The following ZBTB7C variants were observed in gnomAD, a reference collection of about 807,000 sequenced individuals.
ZBTB7C encodes the protein zinc finger and BTB domain-containing protein 7C.
A neutral mutation model predicts 25.7 loss-of-function variants in ZBTB7C; 8 were observed. The ratio of observed to expected loss-of-function variants is 0.31; its 90% confidence interval spans 0.18 to 0.56. The LOEUF is 0.56. Ranked by LOEUF, ZBTB7C falls within the 20% of genes least tolerant of loss-of-function variation. The probability of loss-of-function intolerance (pLI) is 0.91; values close to 1 mark genes in which losing one functional copy is unlikely to be tolerated. For missense variants in ZBTB7C, 824 were observed against 855.2 expected, an observed-to-expected ratio of 0.96 and a Z score of 0.46; for synonymous variants, 394 against 369.0, an observed-to-expected ratio of 1.07 and a Z score of -0.78.
At chr18:48,103,129 T>TATCG (rs1419637240) in intron 3 of ZBTB7C, among the ~76,000 whole-genome samples, 12 of 140,416 alleles carry the variant, frequency 8.5e-5, no homozygotes, top group African/African-American at 3.0e-4. Flanking sequence ...TCTATCTATC[T>TATCG]ATCTATCTAT....
chr18:48,182,411 C>A (rs1283297063), intron 3 of ZBTB7C, among the ~76,000 whole-genome samples: 1 of 152,174 alleles, frequency 6.6e-6, no homozygotes, highest in Non-Finnish European at 1.5e-5. Flanking sequence ...GCATTCAAGA[C>A]CGAACTTCAG....
At chr18:48,037,849 C>T (rs1167270822) in intron 4 of ZBTB7C, among the ~76,000 whole-genome samples, 1 of 152,202 alleles carries the variant, frequency 6.6e-6, no homozygotes, top group Non-Finnish European at 1.5e-5. Flanking sequence ...CTTTCCTGAT[C>T]TGGCCTGTGA....
At chr18:48,245,862 G>T (rs1378392531) in intron 2 of ZBTB7C, among the ~76,000 whole-genome samples, 3 of 151,864 alleles carry the variant, frequency 2.0e-5, no homozygotes, top group Non-Finnish European at 4.4e-5. Flanking sequence ...GGATTAGGAA[G>T]GTATTTATCC....
intron 1 of ZBTB7C, among the ~76,000 whole-genome samples, chr18:48,343,744 T>C (rs1461319491): frequency 1.3e-5 from 2 of 152,204 alleles, no homozygotes; most frequent in Admixed American, 1.3e-4. Context: ...CAGTTTTCAA[T>C]CTGCATCATC....
At chr18:48,347,391 T>C (rs73955802) in intron 1 of ZBTB7C, among the ~76,000 whole-genome samples, 11,850 of 152,268 alleles carry the variant, frequency 0.078, 517 homozygotes, top group Middle Eastern at 0.12. Flanking sequence ...CCATAAAAGA[T>C]ACCATAATTC....
intron 2 of ZBTB7C, among the ~76,000 whole-genome samples, chr18:48,316,615 G>C (rs1568371578): frequency 6.6e-6 from 1 of 152,178 alleles, no homozygotes; most frequent in Non-Finnish European, 1.5e-5. Flanking sequence ...TGGTTGTTTT[G>C]AAAAGCCTGG....
At chr18:48,364,849 T>C (rs112990929) in intron 1 of ZBTB7C, among the ~76,000 whole-genome samples, 221 of 152,362 alleles carry the variant, frequency 1.5e-3, no homozygotes, top group African/African-American at 5.0e-3. Flanking sequence ...CCTTTTTCCG[T>C]TTAATTATAT....
chr18:48,160,276 G>T (rs2144943094), intron 3 of ZBTB7C, among the ~76,000 whole-genome samples: 1 of 152,316 alleles, frequency 6.6e-6, no homozygotes, highest in South Asian at 2.1e-4. Flanking sequence ...CATTAATCCA[G>T]TCCTCTTGTT....
chr18:48,105,351 T>G (rs948426357), intron 3 of ZBTB7C, among the ~76,000 whole-genome samples: 2 of 152,234 alleles, frequency 1.3e-5, no homozygotes, highest in Non-Finnish European at 2.9e-5. Flanking sequence ...GAACCTCATT[T>G]ACAATGCCCA....
intron 2 of ZBTB7C, among the ~76,000 whole-genome samples, chr18:48,266,193 G>GT (rs574228904): frequency 9.3e-4 from 141 of 152,246 alleles, no homozygotes; most frequent in South Asian, 1.7e-3. Context: ...GCTTAGAGAG[G>GT]TTTAAGTGGT....
chr18:48,073,148 CG>C (rs2037617044), intron 3 of ZBTB7C, among the ~76,000 whole-genome samples: 1 of 152,160 alleles, frequency 6.6e-6, no homozygotes, highest in Admixed American at 6.5e-5. Flanking sequence ...GGCAGCTGCA[CG>C]TCGCAATTAA....
At chr18:48,178,739 G>T (rs2041773293) in intron 3 of ZBTB7C, among the ~76,000 whole-genome samples, 1 of 152,176 alleles carries the variant, frequency 6.6e-6, no homozygotes, top group South Asian at 2.1e-4. Context: ...AAAGACGAAG[G>T]CCTTTCATGT....
At chr18:48,386,163 T>C (rs1017725096) in intron 1 of ZBTB7C, among the ~76,000 whole-genome samples, 2 of 152,166 alleles carry the variant, frequency 1.3e-5, no homozygotes, top group African/African-American at 4.8e-5. Context: ...AAAAGGCTTC[T>C]CCATCCATCC....
At chr18:48,099,176 C>T (rs1407221816) in intron 3 of ZBTB7C, among the ~76,000 whole-genome samples, 2 of 152,130 alleles carry the variant, frequency 1.3e-5, no homozygotes, top group African/African-American at 4.8e-5. Context: ...AGAACTGTTG[C>T]CAGGAATAAG....
intron 2 of ZBTB7C, among the ~76,000 whole-genome samples, chr18:48,193,221 C>T (rs561374630): frequency 3.8e-4 from 58 of 152,286 alleles, no homozygotes; most frequent in Non-Finnish European, 5.9e-5. Flanking sequence ...AACCCGGGCA[C>T]CTCCGGCTAT....
In ZBTB7C at chr18:48,026,707, G is replaced by A. The variant is rs2035535500; in HGVS notation, c.*2553C>T. ...ATAGCTCACTTTTACTCAAAACACTGTCCTTTAAAGTATAAAATAAGGGTC... is the reference window on the plus strand; with the variant it reads ...ATAGCTCACTTTTACTCAAAACACTATCCTTTAAAGTATAAAATAAGGGTC... On this transcript the variant is annotated 3_prime_UTR_variant, in exon 5 of 5. Coordinates refer to ENST00000590800, the MANE Select transcript of ZBTB7C (RefSeq NM_001318841.2). The A allele has an allele frequency of 6.6e-6, 1 of 150,728 alleles. No homozygotes were observed. The highest frequency in any genetic ancestry group is 2.1e-4 in the South Asian group (1 of 4,742). 9.3% of individuals were successfully genotyped at this position (150,728 alleles called of 1,614,324 possible).
At chr18:48,145,517 T>A (rs1437241869) in intron 3 of ZBTB7C, among the ~76,000 whole-genome samples, 1 of 152,108 alleles carries the variant, frequency 6.6e-6, no homozygotes, top group African/African-American at 2.4e-5. Context: ...ATCTTAAAAG[T>A]CTCCTCCACA....
intron 3 of ZBTB7C, among the ~76,000 whole-genome samples, chr18:48,066,805 T>C (rs2037346016): frequency 6.6e-6 from 1 of 152,084 alleles, no homozygotes; most frequent in African/African-American, 2.4e-5. Context: ...GAGTCTTGGG[T>C]TTAAGACCTA....
chr18:48,137,218 C>G, intron 3 of ZBTB7C: 7 of 985,568 alleles, frequency 7.1e-6, no homozygotes, highest in Non-Finnish European at 8.4e-6. Flanking sequence ...AAGTATTTGG[C>G]CGGGAGCCCC....
Sources: gnomAD v4.1 joint callset for allele counts (sites outside exome capture counted in the v4.1 genomes callset) on GRCh38, gnomAD v4.1.1 for gene constraint, MANE v1.5 for transcripts, NCBI Gene and HGNC (gene_info 2026-07-23, HGNC 2026-07-21) for gene names.